The following MORC2 variants were observed in gnomAD, a reference collection of about 807,000 sequenced individuals.
MORC2 encodes the protein MORC family CW-type zinc finger 2, also known as ATPase MORC2.
MORC2 carries 30 observed loss-of-function variants against 136.0 expected under a neutral mutation model. That is an observed-to-expected ratio of 0.22 (90% CI 0.17 to 0.30). The LOEUF is 0.30. Among genes scored for constraint, MORC2 ranks in the 10% least tolerant of loss-of-function variants. The pLI is 1.00. For synonymous variants in MORC2, 439 were observed against 487.0 expected (o/e 0.90, Z 1.30); for missense variants, 922 against 1,333.1 (o/e 0.69, Z 4.80).
intron 1 of MORC2, chr22:30,967,283 G>A: frequency 1.0e-6 from 1 of 986,402 alleles, no homozygotes; most frequent in Non-Finnish European, 1.2e-6. Context: ...TAAACAAGTT[G>A]CCGTTTCCTG....
chr22:30,943,182 G>C lies in MORC2; in HGVS notation c.427-911C>G, dbSNP rs5753402. 3.9e-5 allele frequency among the ~76,000 whole-genome samples: 6 copies of C among 152,268 alleles called. No homozygotes were observed. In the East Asian group the frequency reaches 5.8e-4, roughly 15 times the overall value. On this transcript the variant is annotated intron_variant, in intron 6 of 25. Transcript: ENST00000397641. ...AGGATACAAAAAATACCTACAGTAAGAGTCCATTTCTAAAAAATTCACAAA... is the reference window on the plus strand; with the variant it reads ...AGGATACAAAAAATACCTACAGTAACAGTCCATTTCTAAAAAATTCACAAA...
At chr22:30,962,452 A>T (rs1858387152) in intron 1 of MORC2, among the ~76,000 whole-genome samples, 1 of 151,942 alleles carries the variant, frequency 6.6e-6, no homozygotes, top group Non-Finnish European at 1.5e-5. Flanking sequence ...TAAATAAGCC[A>T]GGTGTGGTGG....
intron 2 of MORC2, among the ~76,000 whole-genome samples, chr22:30,958,440 T>C (rs1039938081): frequency 2.0e-5 from 3 of 152,180 alleles, no homozygotes; most frequent in Non-Finnish European, 4.4e-5. Flanking sequence ...AAAGAACAAT[T>C]AGTGAATTTA....
At chr22:30,940,680 C>T in intron 10 of MORC2, 78 bp downstream of exon 10, 1 of 1,319,540 alleles carries the variant, frequency 7.6e-7, no homozygotes, top group Non-Finnish European at 1.1e-6. Flanking sequence ...TCAGCCTTTT[C>T]CTGGAACCCC....
Position 30,968,035 on chromosome 22 carries a change from A to G in MORC2, c.-146T>C, listed in dbSNP as rs1330349462. 2 of 640,572 alleles carry G rather than the reference A, an allele frequency of 3.1e-6. No homozygotes were observed. Among genetic ancestry groups the G allele is most frequent in the African/African-American group, 1.8e-5 (1 of 54,116 alleles). The allele number at this position is 640,572 out of a possible 1,614,324, so 39.7% of individuals were successfully genotyped here. ...TTAAAGTAACCTAGTAGCTATCCAA[A>G]ATATATGCAGAGATGTTTAAAACTA... is the stretch of plus-strand genomic sequence containing the variant. On this transcript the variant is annotated 5_prime_UTR_variant, in exon 1 of 26. Transcript: ENST00000397641.
rs2040617716 is a variant in MORC2, at chr22:30,934,083, C to T, written c.2302G>A (p.Glu768Lys). 6.2e-7 allele frequency: 1 copy of T among 1,614,034 alleles called. No individual in the cohort carries two copies. Among genetic ancestry groups the T allele is most frequent in the African/African-American group, 1.3e-5 (1 of 74,904 alleles). The change falls in exon 20 of 26, where the codon GAG becomes AAG. Residue 768 changes from glutamate (E) to lysine (K), a missense_variant. Glu to Lys is a moderately conservative substitution (Grantham distance 56). Coordinates refer to ENST00000397641, the MANE Select transcript of MORC2 (RefSeq NM_001303256.3). This position sits in a 1 kb window ranked among gnomAD's most constrained non-coding sequence, Gnocchi z 4.4. ...ACCTCATTCGAGTCCTTCTTTTCCT[C>T]CTTCACAACAAATCTGCCCCGCTTG... ...RCKRGRFVVK[E>K]EKKDSNELSD...
intron 1 of MORC2, chr22:30,967,273 T>C (rs1248522575): frequency 1.6e-5 from 16 of 986,652 alleles, no homozygotes; most frequent in Non-Finnish European, 1.8e-5. Flanking sequence ...AATAGAGATA[T>C]AAACAAGTTG....
intron 25 of MORC2, 71 bp from the exon 26 acceptor site, chr22:30,926,942 T>C: frequency 7.5e-7 from 1 of 1,326,396 alleles, no homozygotes; most frequent in Non-Finnish European, 1.1e-6. Context: ...TCCACCCTTC[T>C]CTCAGCTCCT....
intron 3 of MORC2, 38 bp downstream of exon 3, chr22:30,956,725 G>T: frequency 6.8e-7 from 1 of 1,473,372 alleles, no homozygotes; most frequent in Non-Finnish European, 9.2e-7. Context: ...AATGCATTAA[G>T]ATGAACTAGA....
chr22:30,967,230 G>A (rs2041141572), intron 1 of MORC2: 1 of 986,320 alleles, frequency 1.0e-6, no homozygotes, highest in Non-Finnish European at 1.2e-6. Flanking sequence ...AACACTGTAT[G>A]TTTCTGTGGA....
At position 30,956,767 on chromosome 22, in the gene MORC2, A is replaced by G. The variant is rs566259942; in HGVS notation, c.153T>C (p.Tyr51=). Residue 51 remains tyrosine, a synonymous_variant, in exon 3 of 26, where the codon TAT becomes TAC. Coordinates refer to ENST00000397641, the MANE Select transcript of MORC2 (RefSeq NM_001303256.3). ...RDADATRIDI[Y]AERREDLRGG... ...AAGGACTAAAGCCTGACTTACCTGC[A>G]TAAATATCTATTCTGGTGGCATCAG... 1.8e-5 allele frequency: 28 copies of G among 1,545,252 alleles called. No homozygotes were observed. In the African/African-American group the frequency reaches 2.5e-4, roughly 14 times the overall value.
chr22:30,932,277 C>G lies in MORC2; in HGVS notation c.2841+82G>C. On this transcript the variant is annotated intron_variant, in intron 24 of 25. Transcript: ENST00000397641. The surrounding 1 kb of genome is among the most constrained non-coding windows in gnomAD (Gnocchi z 4.4). ...TAGCAACTGCAACAAGCGTAACAAT[C>G]ATAATCACAACAGTTACAACAAATG... The G allele has an allele frequency of 8.3e-7, 1 of 1,203,392 alleles. No individual in the cohort carries two copies. The highest frequency in any genetic ancestry group is 1.4e-5 in the South Asian group (1 of 71,684). 74.5% of individuals were successfully genotyped at this position (1,203,392 alleles called of 1,614,324 possible).
chr22:30,949,305 A>C (rs1452878467), intron 5 of MORC2, among the ~76,000 whole-genome samples: 1 of 152,174 alleles, frequency 6.6e-6, no homozygotes, highest in Non-Finnish European at 1.5e-5. Context: ...CGGAGGGCTC[A>C]CATCTCTCTT....
chr22:30,930,914 T>G (rs1355550842), intron 24 of MORC2, among the ~76,000 whole-genome samples: 1 of 152,224 alleles, frequency 6.6e-6, no homozygotes, highest in Non-Finnish European at 1.5e-5. Context: ...TGGTGCCACA[T>G]AAACCTCCAC....
intron 1 of MORC2, among the ~76,000 whole-genome samples, chr22:30,966,512 T>C (rs1602520218): frequency 6.6e-6 from 1 of 152,148 alleles, no homozygotes. Flanking sequence ...TGGTGGCTCA[T>C]GCCTGTAATC....
chr22:30,949,922 T>C, intron 4 of MORC2, 80 bp from the exon 5 acceptor site: 2 of 1,332,106 alleles, frequency 1.5e-6, no homozygotes, highest in South Asian at 1.2e-5. Flanking sequence ...CTGAGCCTTG[T>C]TAAATCCAAG....
chr22:30,944,613 T>C (rs2040790081), intron 6 of MORC2, among the ~76,000 whole-genome samples: 1 of 152,112 alleles, frequency 6.6e-6, no homozygotes, highest in African/African-American at 2.4e-5. Flanking sequence ...GACTGCACTT[T>C]GCATGTCCAG....
intron 3 of MORC2, among the ~76,000 whole-genome samples, chr22:30,955,374 T>C (rs1256901374): frequency 6.6e-6 from 1 of 152,192 alleles, no homozygotes; most frequent in Non-Finnish European, 1.5e-5. Flanking sequence ...GCAGAGCCTT[T>C]TGAACAAAAG....
In MORC2 at chr22:30,956,022, A is replaced by G. The variant is rs1399563117; in HGVS notation, c.157+741T>C. Among the ~76,000 whole-genome samples the G allele has an allele frequency of 5.3e-5, 8 of 151,878 alleles. No individual in the cohort carries two copies. The East Asian group carries it at 1.5e-3, about 29-fold the overall frequency. On this transcript the variant is annotated intron_variant, in intron 3 of 25. Coordinates refer to ENST00000397641, the MANE Select transcript of MORC2 (RefSeq NM_001303256.3). ...ACTCCATCTCAAAAAAAAAAAAAAA[A>G]AAAAGCTGTCTTCCTCCATTCTGCT...
Sources: allele counts gnomAD v4.1 joint callset (sites outside exome capture counted in the v4.1 genomes callset), GRCh38; gene constraint gnomAD v4.1.1; non-coding constraint Gnocchi (gnomAD v3.1); transcripts MANE v1.5; gene names NCBI Gene and HGNC (gene_info 2026-07-23, HGNC 2026-07-21).